RP1: variants seen among roughly 807,000 people sequenced by gnomAD.
The protein encoded by RP1 is oxygen-regulated protein 1.
Under a neutral mutation model 14.8 loss-of-function variants are expected in RP1, and 16 were observed. That is an observed-to-expected ratio of 1.08 (90% CI 0.73 to 1.65). RP1 has a LOEUF of 1.65. Ranked by LOEUF, RP1 falls within the 40% of genes most tolerant of loss-of-function variation. The probability of loss-of-function intolerance (pLI) is 0.00; values close to 1 mark genes in which losing one functional copy is unlikely to be tolerated. For synonymous variants in RP1, 876 were observed against 883.6 expected (o/e 0.99, Z 0.15); for missense variants, 2,631 against 2,535.0 (o/e 1.04, Z -0.81).
chr8:54,869,178 G>T (rs1260519580), intron 28 of RP1, among the ~76,000 whole-genome samples: 13 of 152,114 alleles, frequency 8.5e-5, no homozygotes, highest in Admixed American at 7.9e-4. Context: ...ATAATTGGTG[G>T]AGTCAGGATT....
chr8:54,588,071 G>T (rs551296046), intron 1 of RP1, among the ~76,000 whole-genome samples: 1 of 152,270 alleles, frequency 6.6e-6, no homozygotes, highest in African/African-American at 2.4e-5. Context: ...CTTTGATAAG[G>T]AACTTAATAT....
chr8:54,812,814 C>T (rs9657164), intron 24 of RP1, among the ~76,000 whole-genome samples: 36,112 of 123,996 alleles, frequency 0.29, 4,624 homozygotes, highest in South Asian at 0.36. Flanking sequence ...TCTATCTCTC[C>T]GTCTTCTATC....
In RP1 at chr8:54,622,130, A is replaced by G. The variant is rs1213109504; in HGVS notation, c.629A>G (p.Gln210Arg). 5 of 1,614,090 alleles carry G rather than the reference A, an allele frequency of 3.1e-6. No individual in the cohort carries two copies. Among genetic ancestry groups the G allele is most frequent in the Non-Finnish European group, 4.2e-6 (5 of 1,180,040 alleles). Reference protein sequence around the residue: ...ATDGRRVPSLQAVILSSGAVV... With the variant: ...ATDGRRVPSLRAVILSSGAVV... ...GGTCTCTTTTAGGTTCCCAGCCTCC[A>G]GGCAGTGATCCTGAGCTCTGGAGCT... is the stretch of plus-strand genomic sequence containing the variant. Residue 210 changes from glutamine to arginine, a missense_variant, in exon 3 of 4, where the codon CAG (glutamine) becomes CGG (arginine). Transcript: ENST00000220676.
intron 3 of RP1, among the ~76,000 whole-genome samples, chr8:54,646,403 A>G (rs1210832449): frequency 6.6e-6 from 1 of 151,522 alleles, no homozygotes; most frequent in African/African-American, 2.4e-5. Context: ...GAATATTCTG[A>G]TGTTTTTCTC....
chr8:54,732,822 T>C (rs1808825480), intron 17 of RP1, among the ~76,000 whole-genome samples: 1 of 152,150 alleles, frequency 6.6e-6, no homozygotes, highest in Non-Finnish European at 1.5e-5. Context: ...GGACCAATTT[T>C]TGTGATCATT....
chr8:54,652,777 T>G, intron 4 of RP1: 1 of 1,534,018 alleles, frequency 6.5e-7, no homozygotes, highest in Non-Finnish European at 8.7e-7. Flanking sequence ...TGGCTCTTCA[T>G]AGATAACAGT....
intron 24 of RP1, among the ~76,000 whole-genome samples, chr8:54,793,413 G>A (rs766698112): frequency 7.2e-5 from 11 of 151,898 alleles, no homozygotes; most frequent in Non-Finnish European, 1.5e-4. Context: ...GATGAATGTA[G>A]AGGCAAAAAT....
intron 19 of RP1, among the ~76,000 whole-genome samples, chr8:54,752,638 C>T (rs1021212760): frequency 1.3e-5 from 2 of 152,196 alleles, no homozygotes; most frequent in African/African-American, 2.4e-5. Context: ...GGGAACTGAC[C>T]TGGCCAGGAC....
chr8:54,761,668 G>C (rs953577145), intron 22 of RP1, among the ~76,000 whole-genome samples: 2 of 151,942 alleles, frequency 1.3e-5, no homozygotes, highest in Non-Finnish European at 2.9e-5. Context: ...AAAATATATT[G>C]AACAATCCCA....
At chr8:54,718,026 C>A (rs745594188) in intron 15 of RP1, among the ~76,000 whole-genome samples, 47 of 152,112 alleles carry the variant, frequency 3.1e-4, no homozygotes, top group Non-Finnish European at 6.2e-4. Flanking sequence ...AAAATATATT[C>A]TGGATCTCTA....
intron 26 of RP1, chr8:54,856,964 C>G: frequency 2.2e-6 from 1 of 455,676 alleles, no homozygotes; most frequent in Non-Finnish European, 3.5e-6. Flanking sequence ...AATAGTAATA[C>G]TATTTTTTTT....
intron 1 of RP1, among the ~76,000 whole-genome samples, chr8:54,589,167 T>G (rs894859986): frequency 2.0e-5 from 3 of 152,204 alleles, no homozygotes; most frequent in Non-Finnish European, 4.4e-5. Context: ...TCCCTCCCTG[T>G]CCTCCACCCC....
chr8:54,706,766 G>T, intron 15 of RP1: 1 of 1,049,954 alleles, frequency 9.5e-7, no homozygotes, highest in Non-Finnish European at 1.4e-6. Context: ...TACATGTGGT[G>T]GTCTCCCTTG....
chr8:54,566,082 C>A (rs1265026871), intron 1 of RP1, among the ~76,000 whole-genome samples: 1 of 152,160 alleles, frequency 6.6e-6, no homozygotes, highest in Non-Finnish European at 1.5e-5. Flanking sequence ...CGGGGCCCAA[C>A]CCCACTCCAG....
chr8:54,855,058 G>A (rs150717326), intron 26 of RP1, among the ~76,000 whole-genome samples: 84 of 152,170 alleles, frequency 5.5e-4, no homozygotes, highest in African/African-American at 1.9e-3. Context: ...TTCATTAAAC[G>A]ACTCTCCATT....
At chr8:54,644,271 G>A (rs1310681689) in intron 3 of RP1, among the ~76,000 whole-genome samples, 3 of 152,172 alleles carry the variant, frequency 2.0e-5, no homozygotes, top group Admixed American at 2.0e-4. Flanking sequence ...TTCAAGGCCT[G>A]AGAGTAATCC....
chr8:54,757,366 C>A (rs990943245), intron 21 of RP1, among the ~76,000 whole-genome samples: 1 of 152,230 alleles, frequency 6.6e-6, no homozygotes, highest in African/African-American at 2.4e-5. Flanking sequence ...AAAGCTGACT[C>A]AGCCTATCTT....
chr8:54,828,347 G>T (rs1811435253), intron 24 of RP1, among the ~76,000 whole-genome samples: 1 of 152,156 alleles, frequency 6.6e-6, no homozygotes, highest in Non-Finnish European at 1.5e-5. Context: ...TCATCAAAGT[G>T]GATCTCTCAT....
At chr8:54,632,928 A>T (rs1806276989), downstream of RP1, among the ~76,000 whole-genome samples, 1 of 152,088 alleles carries the variant, frequency 6.6e-6, no homozygotes, top group Non-Finnish European at 1.5e-5. Flanking sequence ...TCCCTTACTC[A>T]GGGGAAGATA....
Sources: gnomAD v4.1 joint callset for allele counts (sites outside exome capture counted in the v4.1 genomes callset) on GRCh38, gnomAD v4.1.1 for gene constraint, MANE v1.5 for transcripts, NCBI Gene and HGNC (gene_info 2026-07-23, HGNC 2026-07-21) for gene names.